The following SNTG1 variants were observed in gnomAD, a reference collection of about 807,000 sequenced individuals.
The protein encoded by SNTG1 is syntrophin gamma 1.
A neutral mutation model predicts 74.7 loss-of-function variants in SNTG1; 39 were observed. The observed-to-expected ratio is 0.52, with a 90% CI of 0.40 to 0.68. SNTG1 has a LOEUF of 0.68. Among genes scored for constraint, SNTG1 ranks in the 30% least tolerant of loss-of-function variants. SNTG1 has a pLI of 0.00. For synonymous variants in SNTG1, 254 were observed against 217.1 expected, an observed-to-expected ratio of 1.17 and a Z score of -1.49; for missense variants, 685 against 609.5, an observed-to-expected ratio of 1.12 and a Z score of -1.30.
At chr8:50,581,903 A>G (rs1244595113) in intron 12 of SNTG1, among the ~76,000 whole-genome samples, 1 of 152,206 alleles carries the variant, frequency 6.6e-6, no homozygotes, top group Non-Finnish European at 1.5e-5. Flanking sequence ...ACATAAGTAT[A>G]TGTGCAAAAT....
In SNTG1 at chr8:50,122,802, C is replaced by T. The variant is rs1180628471; in HGVS notation, c.-102-49759C>T. On this transcript the variant is annotated intron_variant, in intron 1 of 18. Transcript: ENST00000642720. Reference sequence around the variant, plus strand: ...AGATATACCAGCTAAAATACCCTAACAGTAGTTCTCCTCATAGAAAACCAA... The same window carrying T: ...AGATATACCAGCTAAAATACCCTAATAGTAGTTCTCCTCATAGAAAACCAA... Among the ~76,000 whole-genome samples, 8 of 142,088 alleles carry T rather than the reference C, an allele frequency of 5.6e-5. 1 individual carries two copies. Among genetic ancestry groups the T allele is most frequent in the Non-Finnish European group, 1.3e-4 (8 of 63,788 alleles). 93.2% of individuals were successfully genotyped at this position (142,088 alleles called of 152,430 possible). A position where few individuals can be genotyped will look rare whatever the true frequency, so the allele number is the denominator to read the frequency against.
At chr8:50,648,044 C>G (rs2131215142) in intron 13 of SNTG1, among the ~76,000 whole-genome samples, 1 of 152,226 alleles carries the variant, frequency 6.6e-6, no homozygotes, top group Non-Finnish European at 1.5e-5. Flanking sequence ...AGGAAAGGTA[C>G]TTTTTGGCAT....
intron 8 of SNTG1, among the ~76,000 whole-genome samples, chr8:50,469,014 A>T (rs1162662711): frequency 6.6e-6 from 1 of 152,156 alleles, no homozygotes; most frequent in Non-Finnish European, 1.5e-5. Context: ...TATTTTATAC[A>T]AAGAGTTAAG....
intron 1 of SNTG1, among the ~76,000 whole-genome samples, chr8:50,040,433 G>A (rs550634861): frequency 6.6e-6 from 1 of 152,134 alleles, no homozygotes; most frequent in African/African-American, 2.4e-5. Context: ...TCTAGTCATT[G>A]TAAGTTACTT....
chr8:50,498,711 T>C (rs1295857511), intron 8 of SNTG1, among the ~76,000 whole-genome samples: 2 of 151,906 alleles, frequency 1.3e-5, no homozygotes, highest in Non-Finnish European at 3.0e-5. Context: ...TTAGAAGTTT[T>C]ATAAGCTTAG....
rs925864927 is a variant in SNTG1, at chr8:50,514,990, G to A, written c.466+12110G>A. Among the ~76,000 whole-genome samples the A allele has an allele frequency of 2.6e-5, 4 of 152,040 alleles. 1 individual carries two copies. Among genetic ancestry groups the A allele is most frequent in the South Asian group, 4.1e-4 (2 of 4,820 alleles). Reference sequence around the variant, plus strand: ...ATTATAAAATATCTTTCTTTGTGAAGGTTTTTATAGTTAAAGTCTATTTTT... The same window carrying A: ...ATTATAAAATATCTTTCTTTGTGAAAGTTTTTATAGTTAAAGTCTATTTTT... On this transcript the variant is annotated intron_variant, in intron 9 of 18. Coordinates refer to ENST00000642720, the MANE Select transcript of SNTG1 (RefSeq NM_018967.5).
intron 1 of SNTG1, among the ~76,000 whole-genome samples, chr8:50,142,704 GA>G (rs1259477852): frequency 1.3e-5 from 2 of 152,072 alleles, no homozygotes; most frequent in Non-Finnish European, 2.9e-5. Context: ...ACAAGCATAT[GA>G]ATACAGGTTG....
At chr8:50,285,439 C>T (rs1250842295) in intron 2 of SNTG1, among the ~76,000 whole-genome samples, 4 of 152,026 alleles carry the variant, frequency 2.6e-5, no homozygotes, top group South Asian at 4.1e-4. Context: ...GAGTGAGACA[C>T]GGTCTTAAGA....
chr8:50,052,534 C>T (rs747349312), intron 1 of SNTG1, among the ~76,000 whole-genome samples: 27 of 151,806 alleles, frequency 1.8e-4, no homozygotes, highest in Non-Finnish European at 2.9e-4. Flanking sequence ...CTTGGCTATG[C>T]CAACAAAATC....
intron 2 of SNTG1, among the ~76,000 whole-genome samples, chr8:50,384,926 C>T (rs1216339903): frequency 2.0e-5 from 3 of 152,066 alleles, no homozygotes; most frequent in Admixed American, 6.6e-5. Context: ...TGATGAACAT[C>T]TCAGGTGACT....
At chr8:50,297,795 G>A (rs2089455928) in intron 2 of SNTG1, among the ~76,000 whole-genome samples, 2 of 151,848 alleles carry the variant, frequency 1.3e-5, no homozygotes, top group South Asian at 2.1e-4. Context: ...ACCAGGAAAA[G>A]CAAAACCAGA....
At chr8:50,466,262 G>A (rs1043766284) in intron 8 of SNTG1, among the ~76,000 whole-genome samples, 3 of 151,642 alleles carry the variant, frequency 2.0e-5, no homozygotes, top group Non-Finnish European at 4.4e-5. Flanking sequence ...TTTATTTTTT[G>A]CATATGACTT....
intron 1 of SNTG1, among the ~76,000 whole-genome samples, chr8:49,959,827 C>T (rs1485264943): frequency 6.6e-6 from 1 of 152,108 alleles, no homozygotes; most frequent in Non-Finnish European, 1.5e-5. Flanking sequence ...CAAATGGTAA[C>T]CTTTCCCTAT....
In SNTG1 at chr8:50,752,037, G is replaced by A. The variant is rs756353406; in HGVS notation, c.1321G>A (p.Gly441Ser). ...LWRYKFSQLKGSSDDGKSKIK... is the reference protein window; with the variant it reads ...LWRYKFSQLKSSSDDGKSKIK... ...GAGGTATAAATTCTCTCAGCTTAAA[G>A]GTTCTTCAGATGATGGCAAGAGCAA... is the stretch of plus-strand genomic sequence containing the variant. Residue 441 changes from glycine (G) to serine (S), a missense_variant, in exon 18 of 19, where the codon GGT (glycine) becomes AGT (serine). Transcript: ENST00000642720. 7 of 1,569,794 alleles carry A rather than the reference G, an allele frequency of 4.5e-6. No individual in the cohort carries two copies. In the Admixed American group the frequency reaches 1.4e-4, roughly 30 times the overall value.
intron 2 of SNTG1, among the ~76,000 whole-genome samples, chr8:50,291,242 A>ATG (rs35700232): frequency 0.12 from 17,182 of 149,190 alleles, 1,419 homozygotes; most frequent in African/African-American, 0.24. Flanking sequence ...AGACAGACAT[A>ATG]TGTGTGTGTG....
intron 1 of SNTG1, among the ~76,000 whole-genome samples, chr8:49,948,881 G>A (rs1809448645): frequency 6.6e-6 from 1 of 152,164 alleles, no homozygotes; most frequent in African/African-American, 2.4e-5. Flanking sequence ...CGGGCTCACG[G>A]CATGGAGAGG....
At chr8:50,479,679 G>A (rs1210389782) in intron 8 of SNTG1, among the ~76,000 whole-genome samples, 7 of 151,970 alleles carry the variant, frequency 4.6e-5, no homozygotes, top group Non-Finnish European at 1.0e-4. Context: ...CTTTGGTCTA[G>A]CACAGGGTGG....
chr8:50,715,043 A>T (rs2131574484), intron 17 of SNTG1, among the ~76,000 whole-genome samples: 1 of 152,292 alleles, frequency 6.6e-6, no homozygotes, highest in East Asian at 1.9e-4. Context: ...ATTCTAAAAA[A>T]GTTTGAAAGT....
At chr8:50,497,160 T>C (rs1199581741) in intron 8 of SNTG1, among the ~76,000 whole-genome samples, 2 of 152,034 alleles carry the variant, frequency 1.3e-5, no homozygotes, top group Admixed American at 1.3e-4. Context: ...TTAACGTTCT[T>C]ATATTTTTCA....
Sources: gnomAD v4.1 joint callset for allele counts (sites outside exome capture counted in the v4.1 genomes callset) on GRCh38, gnomAD v4.1.1 for gene constraint, MANE v1.5 for transcripts, NCBI Gene and HGNC (gene_info 2026-07-23, HGNC 2026-07-21) for gene names.